LDLRAP1: variants seen among roughly 807,000 people sequenced by gnomAD.
LDLRAP1 encodes low density lipoprotein receptor adapter protein 1.
A neutral mutation model predicts 37.8 loss-of-function variants in LDLRAP1; 30 were observed. The ratio of observed to expected loss-of-function variants is 0.79; its 90% CI spans 0.59 to 1.08. The LOEUF (loss-of-function observed/expected upper bound fraction) is 1.08, where lower values mean the gene tolerates loss of function less well. Ranked by LOEUF, LDLRAP1 falls within the 50% of genes least tolerant of loss-of-function variation. LDLRAP1 has a pLI of 0.00. For synonymous variants in LDLRAP1, 156 were observed against 169.8 expected, an observed-to-expected ratio of 0.92 and a Z score of 0.63; for missense variants, 375 against 401.6, an observed-to-expected ratio of 0.93 and a Z score of 0.57.
At chr1:25,551,843 T>C (rs770787025) in intron 1 of LDLRAP1, among the ~76,000 whole-genome samples, 17 of 151,804 alleles carry the variant, frequency 1.1e-4, no homozygotes, top group Non-Finnish European at 1.9e-4. Flanking sequence ...TGGGATGGGG[T>C]TGTCCTCGTC....
rs1447075311 is a variant in LDLRAP1 at position 25,554,989 on chromosome 1, G to T, written c.344+17G>T. ...CATATACAGGTACGCTCAGCATGGG[G>T]TTGGCCCATCCACTCTGCCACTTGG... On this transcript the variant is annotated intron_variant, in intron 3 of 8. Transcript: ENST00000374338. This position sits in a 1 kb window ranked among gnomAD's most constrained non-coding sequence, Gnocchi z 5.4. 6.3e-7 allele frequency: 1 copy of T among 1,592,880 alleles called. No homozygotes were observed. The highest frequency in any genetic ancestry group is 2.2e-5 in the East Asian group (1 of 44,810).
chr1:25,553,816 C>T lies in LDLRAP1; in HGVS notation c.89-106C>T, dbSNP rs1218593276. 5.1e-6 allele frequency: 7 copies of T among 1,365,074 alleles called. No individual in the cohort carries two copies. In the African/African-American group the frequency reaches 8.6e-5, roughly 17 times the overall value. The allele number at this position is 1,365,074 out of a possible 1,614,324, so 84.6% of individuals were successfully genotyped here. On this transcript the variant is annotated intron_variant, in intron 1 of 8. Transcript: ENST00000374338. Reference sequence around the variant, plus strand: ...AGTGGCAGTAGTGGTGGGGGAGACCCCCATCCCCCTTGCTGGGGTTTCCTA... The same window carrying T: ...AGTGGCAGTAGTGGTGGGGGAGACCTCCATCCCCCTTGCTGGGGTTTCCTA...
intron 6 of LDLRAP1, 87 bp from the exon 7 acceptor site, chr1:25,563,574 G>T: frequency 6.4e-7 from 1 of 1,573,860 alleles, no homozygotes; most frequent in Non-Finnish European, 8.6e-7. Flanking sequence ...ACATCAGAGG[G>T]GAGGGTCAGG....
At chr1:25,548,387 G>A (rs991829968) in intron 1 of LDLRAP1, among the ~76,000 whole-genome samples, 4 of 124,208 alleles carry the variant, frequency 3.2e-5, no homozygotes, top group African/African-American at 1.3e-4. Context: ...TCCTTCTGTT[G>A]CCCAGGCTGG....
At chr1:25,586,583 C>T in the LDLRAP1 span, among the ~76,000 whole-genome samples, 1 of 147,734 alleles carries the variant, frequency 6.8e-6, no homozygotes, top group Non-Finnish European at 1.5e-5. This position sits in a 1 kb window ranked among gnomAD's most constrained non-coding sequence, Gnocchi z 4.3. Flanking sequence ...TGCGTGTGCG[C>T]GCGTGTGTGT....
chr1:25,558,528 CT>C (rs968809596), intron 4 of LDLRAP1, among the ~76,000 whole-genome samples: 8 of 152,088 alleles, frequency 5.3e-5, no homozygotes, highest in African/African-American at 1.9e-4. Context: ...GTGTTTTTTT[CT>C]GGAGGTTCTG....
At chr1:25,562,519 TG>T (rs1291928483) in intron 4 of LDLRAP1, 124 bp from the exon 5 acceptor site, 2 of 779,034 alleles carry the variant, frequency 2.6e-6, no homozygotes, top group Admixed American at 2.0e-5. Context: ...GAGCCTGGGA[TG>T]GAGCTGCAGA....
intron 4 of LDLRAP1, among the ~76,000 whole-genome samples, chr1:25,560,613 T>C (rs1269417522): frequency 6.6e-6 from 1 of 152,282 alleles, no homozygotes; most frequent in East Asian, 1.9e-4. Flanking sequence ...CCCATGACCA[T>C]TGGCATCTTG....
chr1:25,586,586 G>A, the LDLRAP1 span, among the ~76,000 whole-genome samples: 2 of 122,472 alleles, frequency 1.6e-5, no homozygotes, highest in South Asian at 2.4e-4. This position sits in a 1 kb window ranked among gnomAD's most constrained non-coding sequence, Gnocchi z 4.3. Context: ...GTGTGCGCGC[G>A]TGTGTGTGTG....
chr1:25,586,440 G>A, the LDLRAP1 span, among the ~76,000 whole-genome samples: 13 of 152,296 alleles, frequency 8.5e-5, no homozygotes, highest in Non-Finnish European at 1.8e-4. The surrounding 1 kb of genome is among the most constrained non-coding windows in gnomAD (Gnocchi z 4.3). Flanking sequence ...CAGGGCCACA[G>A]CATTTCCCAG....
At chr1:25,546,377 C>G (rs1006087018) in intron 1 of LDLRAP1, among the ~76,000 whole-genome samples, 1 of 152,220 alleles carries the variant, frequency 6.6e-6, no homozygotes, top group Non-Finnish European at 1.5e-5. Flanking sequence ...AGGGCAGCAC[C>G]TTGCCTGAGG....
Position 25,566,116 on chromosome 1 carries a change from C to T in LDLRAP1, c.783-732C>T, listed in dbSNP as rs550734340. On this transcript the variant is annotated intron_variant, in intron 8 of 8. Transcript: ENST00000374338. Reference sequence around the variant, plus strand: ...TTTGCTTTCTCCACATTATTTTGAGCATCATGTGCCCTTTATTAACAATTT... The same window carrying T: ...TTTGCTTTCTCCACATTATTTTGAGTATCATGTGCCCTTTATTAACAATTT... Among the ~76,000 whole-genome samples, 6 of 152,310 alleles carry T rather than the reference C, an allele frequency of 3.9e-5. No homozygotes were observed. In the East Asian group the frequency reaches 1.2e-3, roughly 29 times the overall value.
intron 4 of LDLRAP1, among the ~76,000 whole-genome samples, chr1:25,560,286 C>T (rs1012643610): frequency 6.6e-6 from 1 of 152,138 alleles, no homozygotes; most frequent in African/African-American, 2.4e-5. Flanking sequence ...TGGGGGCCTC[C>T]ACATCCCTAC....
At chr1:25,585,388 C>T in the LDLRAP1 span, among the ~76,000 whole-genome samples, 4 of 151,258 alleles carry the variant, frequency 2.6e-5, no homozygotes, top group African/African-American at 4.9e-5. Flanking sequence ...TGCAGTGGCA[C>T]GACCTCGGCT....
intron 4 of LDLRAP1, among the ~76,000 whole-genome samples, chr1:25,559,592 C>G (rs1216860900): frequency 6.6e-6 from 1 of 152,236 alleles, no homozygotes; most frequent in Non-Finnish European, 1.5e-5. Context: ...TTATCCATCT[C>G]CCTACCCTTT....
At chr1:25,580,896 C>A in the LDLRAP1 span, among the ~76,000 whole-genome samples, 2 of 152,156 alleles carry the variant, frequency 1.3e-5, no homozygotes. Flanking sequence ...TCAGTAGTAA[C>A]CCCAGGCTTT....
chr1:25,573,738 C>G (rs2044635860), downstream of LDLRAP1, among the ~76,000 whole-genome samples: 1 of 152,208 alleles, frequency 6.6e-6, no homozygotes, highest in African/African-American at 2.4e-5. Flanking sequence ...AGGCCATGAA[C>G]TGACCTGATC....
At chr1:25,545,256 T>C (rs1162193880) in intron 1 of LDLRAP1, among the ~76,000 whole-genome samples, 1 of 151,566 alleles carries the variant, frequency 6.6e-6, no homozygotes, top group Non-Finnish European at 1.5e-5. Context: ...CCCAGGGAAG[T>C]GGTTTTGAAG....
chr1:25,566,730 G>A (rs4523506), intron 8 of LDLRAP1, 118 bp from the exon 9 acceptor site: 15 of 1,275,628 alleles, frequency 1.2e-5, no homozygotes, highest in Non-Finnish European at 1.7e-5. Context: ...CCCCTGCACC[G>A]GGGGCTTCCT....
Sources: allele counts gnomAD v4.1 joint callset (sites outside exome capture counted in the v4.1 genomes callset), GRCh38; gene constraint gnomAD v4.1.1; non-coding constraint Gnocchi (gnomAD v3.1); transcripts MANE v1.5; gene names NCBI Gene and HGNC (gene_info 2026-07-23, HGNC 2026-07-21).